The following ZNF850 variants were observed in gnomAD, a reference collection of about 807,000 sequenced individuals.
The protein encoded by ZNF850 is putative zinc finger protein ENSP00000330994.
A neutral mutation model predicts 11.9 loss-of-function variants in ZNF850; 2 were observed. The ratio of observed to expected loss-of-function variants is 0.17; its 90% confidence interval spans 0.07 to 0.53. ZNF850 has a LOEUF of 0.53. Ranked by LOEUF, ZNF850 falls within the 20% of genes least tolerant of loss-of-function variation. The pLI, the probability that ZNF850 is intolerant of heterozygous loss-of-function variation, is 0.94. For missense variants in ZNF850, 1,014 were observed against 1,316.4 expected, an observed-to-expected ratio of 0.77 and a Z score of 3.55; for synonymous variants, 381 against 443.0, an observed-to-expected ratio of 0.86 and a Z score of 1.76.
rs1745615427 is a variant in ZNF850, at chr19:36,750,665, G to A, written c.375C>T (p.Gly125=). The change falls in exon 5 of 5, where the codon GGC becomes GGT. Residue 125 remains glycine, a synonymous_variant. Transcript: ENST00000591344. ...GATTTATATCTTGGTGCTGAAACTG[G>A]CCTTTGCATTCCCAGTCATCTCTGA... The part of the protein sequence containing the change: ...SSVRDDWECK[G]QFQHQDINQE... 7 of 1,536,020 alleles carry A rather than the reference G, an allele frequency of 4.6e-6. No homozygotes were observed. Among genetic ancestry groups the A allele is most frequent in the Non-Finnish European group, 6.1e-6 (7 of 1,146,900 alleles).
chr19:36,752,969 A>C (rs888544894), intron 4 of ZNF850, among the ~76,000 whole-genome samples: 5 of 152,122 alleles, frequency 3.3e-5, no homozygotes, highest in African/African-American at 1.2e-4. Context: ...ATGGATGGTA[A>C]ATTTTAAAAG....
In ZNF850 at chr19:36,748,841, T is replaced by G; in HGVS notation, c.2199A>C (p.Glu733Asp). 7 of 1,548,094 alleles carry G rather than the reference T, an allele frequency of 4.5e-6. No homozygotes were observed. Among genetic ancestry groups the G allele is most frequent in the Non-Finnish European group, 6.1e-6 (7 of 1,151,078 alleles). ...HTDEKPYDGK[E>D]CGKSFTSHST... ...AGTGAGAAGTAAAAGATTTCCCACATTCCTTACCATCATAGGGTTTCTCAT... is the reference window on the plus strand; with the variant it reads ...AGTGAGAAGTAAAAGATTTCCCACAGTCCTTACCATCATAGGGTTTCTCAT... The change falls in exon 5 of 5, where the codon GAA (glutamate) becomes GAC (aspartate). Residue 733 changes from glutamate to aspartate, a missense_variant. Transcript: ENST00000591344.
At chr19:36,761,068 C>T (rs762220026) in intron 4 of ZNF850, among the ~76,000 whole-genome samples, 4 of 151,972 alleles carry the variant, frequency 2.6e-5, no homozygotes, top group Middle Eastern at 3.4e-3. Context: ...GGATGGCTCC[C>T]GAAGAAGGGA....
At chr19:36,756,481 T>C (rs1335069650) in intron 4 of ZNF850, among the ~76,000 whole-genome samples, 1 of 152,220 alleles carries the variant, frequency 6.6e-6, no homozygotes, top group Non-Finnish European at 1.5e-5. Flanking sequence ...AATTGTCCTA[T>C]ACATATTGAT....
rs1048652949 is a variant in ZNF850 at position 36,755,262 on chromosome 19, C to T, written c.236-4458G>A. On this transcript the variant is annotated intron_variant, in intron 4 of 4. Coordinates refer to ENST00000591344, the MANE Select transcript of ZNF850 (RefSeq NM_001193552.2). ...GGTTTTTTTGAGACAGAGTCTCGCT[C>T]TGTCACCCGTGCCGGAATGCAGTGG... is the stretch of plus-strand genomic sequence containing the variant. 2.0e-5 allele frequency among the ~76,000 whole-genome samples: 3 copies of T among 152,202 alleles called. No homozygotes were observed. The South Asian group carries it at 6.2e-4, about 32-fold the overall frequency.
chr19:36,762,699 A>G (rs2040526539), intron 1 of ZNF850, 24 bp from the exon 2 acceptor site: 1 of 1,305,606 alleles, frequency 7.7e-7, no homozygotes, highest in Admixed American at 2.0e-5. Flanking sequence ...AAACACATTG[A>G]TATATTATTT....
chr19:36,752,891 T>C (rs1161832067), intron 4 of ZNF850, among the ~76,000 whole-genome samples: 1 of 152,184 alleles, frequency 6.6e-6, no homozygotes, highest in African/African-American at 2.4e-5. Flanking sequence ...ATATTCAAGA[T>C]GGAACAGCTA....
chr19:36,765,935 C>G (rs2040546924), intron 1 of ZNF850, among the ~76,000 whole-genome samples: 1 of 151,428 alleles, frequency 6.6e-6, no homozygotes, highest in Non-Finnish European at 1.5e-5. Flanking sequence ...GTTGCCCAGG[C>G]TAGCGTGCAG....
In ZNF850 at chr19:36,762,695, A is replaced by G. The variant is rs569524666; in HGVS notation, c.-69-20T>C. 1.5e-6 allele frequency: 2 copies of G among 1,317,300 alleles called. No homozygotes were observed. The highest frequency in any genetic ancestry group is 2.1e-6 in the Non-Finnish European group (2 of 949,256). 81.6% of individuals were successfully genotyped at this position (1,317,300 alleles called of 1,614,324 possible). ...TTAGAGCTGGGAATGAATAAAACAC[A>G]TTGATATATTATTTCCCAAATAAAT... On this transcript the variant is annotated intron_variant, in intron 1 of 4. Coordinates refer to ENST00000591344, the MANE Select transcript of ZNF850 (RefSeq NM_001193552.2).
At chr19:36,762,019 C>G (rs1382324283) in intron 3 of ZNF850, among the ~76,000 whole-genome samples, 7 of 142,638 alleles carry the variant, frequency 4.9e-5, no homozygotes, top group Non-Finnish European at 1.5e-5. Context: ...GCACTCCAGC[C>G]TGGGCGACAG....
intron 4 of ZNF850, among the ~76,000 whole-genome samples, chr19:36,756,682 T>C (rs1568736380): frequency 6.6e-6 from 1 of 152,170 alleles, no homozygotes; most frequent in Admixed American, 6.6e-5. Flanking sequence ...GGCATGATCT[T>C]GGCTCACTGC....
intron 3 of ZNF850, 101 bp downstream of exon 3, chr19:36,762,204 C>T: frequency 8.5e-6 from 9 of 1,054,932 alleles, no homozygotes; most frequent in Admixed American, 3.0e-5. Flanking sequence ...TATTAATCTA[C>T]AAAACACAAA....
At chr19:36,761,507 C>T (rs576166315) in intron 4 of ZNF850, 136 bp downstream of exon 4, 9 of 444,364 alleles carry the variant, frequency 2.0e-5, no homozygotes, top group African/African-American at 1.8e-4. Flanking sequence ...GACTTCTCTT[C>T]ATGTGTCTTA....
At chr19:36,769,817 C>T (rs2040570896) in intron 1 of ZNF850, among the ~76,000 whole-genome samples, 1 of 152,126 alleles carries the variant, frequency 6.6e-6, no homozygotes, top group South Asian at 2.1e-4. Flanking sequence ...CTGCAGCAGA[C>T]ACCAGCTGGG....
chr19:36,752,950 A>T (rs2040461923), intron 4 of ZNF850, among the ~76,000 whole-genome samples: 2 of 152,184 alleles, frequency 1.3e-5, no homozygotes, highest in Non-Finnish European at 2.9e-5. Flanking sequence ...CTGAGGTGCC[A>T]TGAGTGCCAT....
intron 4 of ZNF850, among the ~76,000 whole-genome samples, chr19:36,753,715 T>C (rs1190571797): frequency 6.6e-6 from 1 of 152,190 alleles, no homozygotes; most frequent in African/African-American, 2.4e-5. Context: ...TTTACACATT[T>C]ACTATATAAG....
At chr19:36,768,269 A>T (rs1051920288) in intron 1 of ZNF850, among the ~76,000 whole-genome samples, 5 of 152,082 alleles carry the variant, frequency 3.3e-5, no homozygotes, top group African/African-American at 1.2e-4. Context: ...TTAGGTGTTC[A>T]ATAAACGTAG....
chr19:36,746,029 C>A lies in ZNF850; in HGVS notation c.*1738G>T, dbSNP rs1235553940. 6.6e-6 allele frequency: 1 copy of A among 152,160 alleles called. No homozygotes were observed. Among genetic ancestry groups the A allele is most frequent in the Non-Finnish European group, 1.5e-5 (1 of 68,028 alleles). 9.4% of individuals were successfully genotyped at this position (152,160 alleles called of 1,614,324 possible). On this transcript the variant is annotated 3_prime_UTR_variant, in exon 5 of 5. Transcript: ENST00000591344. ...ATCTTATGCTGACCTCATATCTCATCTTGTGACTTAGAATGACTTATCTGT... is the reference window on the plus strand; with the variant it reads ...ATCTTATGCTGACCTCATATCTCATATTGTGACTTAGAATGACTTATCTGT...
In ZNF850 at chr19:36,748,996, A is replaced by C; in HGVS notation, c.2044T>G (p.Phe682Val). The C allele has an allele frequency of 6.2e-7, 1 of 1,607,350 alleles. No individual in the cohort carries two copies. Among genetic ancestry groups the C allele is most frequent in the African/African-American group, 1.3e-5 (1 of 74,882 alleles). ...PYECPDCGKA[F>V]RQRTYLNQHR... ...TGATTAAGGTATGTACGCTGTCTAA[A>C]GGCCTTCCCACAGTCCGGACATTCA... is the stretch of plus-strand genomic sequence containing the variant. Residue 682 changes from phenylalanine to valine, a missense_variant, in exon 5 of 5, where the codon TTT becomes GTT. By Grantham distance (50) the Phe-to-Val change is conservative. Coordinates refer to ENST00000591344, the MANE Select transcript of ZNF850 (RefSeq NM_001193552.2).
Sources: allele counts gnomAD v4.1 joint callset (sites outside exome capture counted in the v4.1 genomes callset), GRCh38; gene constraint gnomAD v4.1.1; transcripts MANE v1.5; gene names NCBI Gene and HGNC (gene_info 2026-07-23, HGNC 2026-07-21).